Variants in CPXM2 observed in about 807,000 individuals in gnomAD.
CPXM2 encodes the protein carboxypeptidase X, M14 family member 2.
CPXM2 carries 66 observed loss-of-function variants against 86.1 expected under a neutral mutation model. The observed-to-expected ratio is 0.77, with a 90% CI of 0.63 to 0.94. CPXM2 has a LOEUF of 0.94. Ranked by LOEUF, CPXM2 falls within the 40% of genes least tolerant of loss-of-function variation. The pLI is 0.00. For synonymous variants in CPXM2, 388 were observed against 400.2 expected, an observed-to-expected ratio of 0.97 and a Z score of 0.36; for missense variants, 948 against 1,026.3, an observed-to-expected ratio of 0.92 and a Z score of 1.04.
At chr10:123,848,578 A>G (rs1848542079) in intron 3 of CPXM2, among the ~76,000 whole-genome samples, 1 of 152,280 alleles carries the variant, frequency 6.6e-6, no homozygotes, top group Non-Finnish European at 1.5e-5. Flanking sequence ...ACTGAAAAAG[A>G]AACAGGCAAA....
intron 6 of CPXM2, among the ~76,000 whole-genome samples, chr10:123,792,476 G>GA (rs1847227134): frequency 6.6e-6 from 1 of 152,152 alleles, no homozygotes; most frequent in Non-Finnish European, 1.5e-5. Context: ...GTCTCTATCA[G>GA]AAAAAACCCA....
chr10:123,938,093 T>C (rs974353333), intron 2 of CPXM2, among the ~76,000 whole-genome samples: 1 of 152,030 alleles, frequency 6.6e-6, no homozygotes, highest in Non-Finnish European at 1.5e-5. Flanking sequence ...TCTTTCTGAC[T>C]CTCTCTTTAT....
At chr10:123,924,408 A>T (rs116540567) in intron 2 of CPXM2, among the ~76,000 whole-genome samples, 3,006 of 152,316 alleles carry the variant, frequency 0.02, 108 homozygotes, top group African/African-American at 0.069. Context: ...TGCAGAACTC[A>T]GGGAGATGCC....
In CPXM2 at chr10:123,768,767, T is replaced by C. The variant is rs368099662; in HGVS notation, c.1103-45A>G. 2.3e-5 allele frequency: 36 copies of C among 1,554,386 alleles called. No homozygotes were observed. The African/African-American group carries it at 4.3e-4, about 19-fold the overall frequency. On this transcript the variant is annotated intron_variant, in intron 8 of 13. Transcript: ENST00000241305. ...GAAGCACAGGTTCACGTTGAAACAC[T>C]TAGGGCCAAACGGTGCTTGTCACAT... is the stretch of plus-strand genomic sequence containing the variant.
chr10:123,938,706 T>C (rs553287722), intron 2 of CPXM2, among the ~76,000 whole-genome samples: 1 of 152,308 alleles, frequency 6.6e-6, no homozygotes. Flanking sequence ...GGCCAGCGTC[T>C]ACCGCAGCCA....
At position 123,878,898 on chromosome 10, in the gene CPXM2, C is replaced by T. The variant is rs183509106; in HGVS notation, c.403+1313G>A. Among the ~76,000 whole-genome samples, 121 of 152,072 alleles carry T rather than the reference C, an allele frequency of 8.0e-4. 1 individual carries two copies. Among genetic ancestry groups the T allele is most frequent in the African/African-American group, 2.7e-3 (113 of 41,484 alleles). ...GGCACAAAATGCCAATGTCCAAGGT[C>T]CATTCAAGGTGAGGAGTCCTATTAC... On this transcript the variant is annotated intron_variant, in intron 2 of 13. Coordinates refer to ENST00000241305, the MANE Select transcript of CPXM2 (RefSeq NM_198148.3).
At chr10:123,910,662 G>A (rs1945480645) in intron 2 of CPXM2, among the ~76,000 whole-genome samples, 1 of 152,210 alleles carries the variant, frequency 6.6e-6, no homozygotes, top group South Asian at 2.1e-4. Flanking sequence ...ATGAATGCAG[G>A]TGCTCACCCA....
In CPXM2 at chr10:123,885,270, AGAAGGCTGGGAGGCTGGGAGGCTG is replaced by A. The variant is rs1945162358; in HGVS notation, c.305-4985_305-4962del. Reference sequence around the variant, plus strand: ...GCCCCACTCCGGAGGCTGGGAGGCTAGAAGGCTGGGAGGCTGGGAGGCTGGAAGGCTGGGCATTGACCCCTCCAA... The same window carrying A: ...GCCCCACTCCGGAGGCTGGGAGGCTAGAAGGCTGGGCATTGACCCCTCCAA... On this transcript the variant is annotated intron_variant, in intron 1 of 13. Coordinates refer to ENST00000241305, the MANE Select transcript of CPXM2 (RefSeq NM_198148.3). This position sits in a 1 kb window ranked among gnomAD's most constrained non-coding sequence, Gnocchi z 4.0. 3.3e-5 allele frequency among the ~76,000 whole-genome samples: 5 copies of A among 152,038 alleles called. No homozygotes were observed. Among genetic ancestry groups the A allele is most frequent in the Admixed American group, 3.3e-4 (5 of 15,270 alleles).
upstream of CPXM2, among the ~76,000 whole-genome samples, chr10:123,893,942 G>C (rs139101326): frequency 6.6e-6 from 1 of 152,200 alleles, no homozygotes; most frequent in African/African-American, 2.4e-5. Context: ...ACAGCAGACC[G>C]ACACCCAGGC....
Position 123,880,828 on chromosome 10 carries a change from CAAAAAAAAAAAAA to C in CPXM2, c.305-532_305-520del, listed in dbSNP as rs71484548. On this transcript the variant is annotated intron_variant, in intron 1 of 13. Transcript: ENST00000241305. ...TGGGTGACAGAGCGAGATTCCGTCT[CAAAAAAAAAAAAA>C]AAAAAAAAAGACTGAAGAATACCTT... 1.7e-4 allele frequency among the ~76,000 whole-genome samples: 9 copies of C among 53,970 alleles called. 1 individual carries two copies. Among genetic ancestry groups the C allele is most frequent in the African/African-American group, 7.0e-4 (9 of 12,876 alleles). 35.4% of individuals were successfully genotyped at this position (53,970 alleles called of 152,430 possible). A position where few individuals can be genotyped will look rare whatever the true frequency, so the allele number is the denominator to read the frequency against.
intron 2 of CPXM2, among the ~76,000 whole-genome samples, chr10:123,934,366 C>T (rs1198283299): frequency 6.6e-6 from 1 of 152,078 alleles, no homozygotes; most frequent in Non-Finnish European, 1.5e-5. Flanking sequence ...CCAGGCTCCG[C>T]TGGCTCCTGG....
intron 2 of CPXM2, among the ~76,000 whole-genome samples, chr10:123,937,470 A>AACACACACACACAC (rs201368456): frequency 0.011 from 1,477 of 132,606 alleles, 19 homozygotes; most frequent in Non-Finnish European, 0.016. Context: ...ACAACAAAAC[A>AACACACACACACAC]ACACACACAC....
intron 2 of CPXM2, among the ~76,000 whole-genome samples, chr10:123,917,677 T>C (rs1343299622): frequency 6.6e-6 from 1 of 152,220 alleles, no homozygotes; most frequent in East Asian, 1.9e-4. Context: ...TGATTCATAG[T>C]GCATAAGCAC....
At position 123,891,492 on chromosome 10, in the gene CPXM2, G is replaced by A. The variant is rs763728087; in HGVS notation, c.168C>T (p.Thr56=). The A allele has an allele frequency of 3.2e-6, 5 of 1,548,034 alleles. No homozygotes were observed. Among genetic ancestry groups the A allele is most frequent in the African/African-American group, 1.4e-5 (1 of 72,754 alleles). ...YYARPEPELE[T]FSPPLPAGPG... ...GCCCCGCAGGCAGCGGCGGAGAGAA[G>A]GTCTCGAGCTCGGGCTCCGGGCGCG... is the stretch of plus-strand genomic sequence containing the variant. The change falls in exon 1 of 14, where the codon ACC becomes ACT. Residue 56 remains threonine, a synonymous_variant. Coordinates refer to ENST00000241305, the MANE Select transcript of CPXM2 (RefSeq NM_198148.3). The surrounding 1 kb of genome is among the most constrained non-coding windows in gnomAD (Gnocchi z 5.6).
intron 3 of CPXM2, among the ~76,000 whole-genome samples, chr10:123,845,794 A>C (rs1848482661): frequency 6.6e-6 from 1 of 152,186 alleles, no homozygotes; most frequent in Non-Finnish European, 1.5e-5. Flanking sequence ...AGAAATAAAG[A>C]AAAGATTCTA....
At chr10:123,888,089 G>A (rs1395849920) in intron 1 of CPXM2, among the ~76,000 whole-genome samples, 1 of 152,114 alleles carries the variant, frequency 6.6e-6, no homozygotes, top group African/African-American at 2.4e-5. Flanking sequence ...ACAGCCAATG[G>A]TCAAAGCCAG....
chr10:123,893,790 G>T (rs771395101), upstream of CPXM2, among the ~76,000 whole-genome samples: 2 of 152,182 alleles, frequency 1.3e-5, no homozygotes, highest in Admixed American at 6.5e-5. Context: ...CCAGCAGCAA[G>T]CAACACACCC....
intron 1 of CPXM2, among the ~76,000 whole-genome samples, chr10:123,884,395 AGCAGTGAGAAAC>A (rs1169765641): frequency 2.6e-5 from 4 of 152,220 alleles, no homozygotes; most frequent in African/African-American, 9.7e-5. Flanking sequence ...TCTAAACAAA[AGCAGTGAGAAAC>A]GCCTGCTCTG....
chr10:123,828,640 G>A (rs1480364035), intron 4 of CPXM2, among the ~76,000 whole-genome samples: 2 of 152,078 alleles, frequency 1.3e-5, no homozygotes, highest in African/African-American at 4.8e-5. Flanking sequence ...TGGTTTCTCT[G>A]GTATGTCTTT....
Sources: allele counts gnomAD v4.1 joint callset (sites outside exome capture counted in the v4.1 genomes callset), GRCh38; gene constraint gnomAD v4.1.1; non-coding constraint Gnocchi (gnomAD v3.1); transcripts MANE v1.5; gene names NCBI Gene and HGNC (gene_info 2026-07-23, HGNC 2026-07-21).